UBE2E2: variants seen among roughly 807,000 people sequenced by gnomAD.
The protein encoded by UBE2E2 is ubiquitin conjugating enzyme E2 E2, also known as ubiquitin-conjugating enzyme E2 E2.
Under a neutral mutation model 24.7 loss-of-function variants are expected in UBE2E2, and 6 were observed. The ratio of observed to expected loss-of-function variants is 0.24; its 90% CI spans 0.13 to 0.48. UBE2E2 has a LOEUF of 0.48. UBE2E2 is among the 20% of genes least tolerant of loss of function. The pLI, the probability that UBE2E2 is intolerant of heterozygous loss-of-function variation, is 0.99. For missense variants in UBE2E2, 169 were observed against 245.0 expected, an observed-to-expected ratio of 0.69 and a Z score of 2.07; for synonymous variants, 104 against 83.6, an observed-to-expected ratio of 1.24 and a Z score of -1.33.
intron 3 of UBE2E2, among the ~76,000 whole-genome samples, chr3:23,370,029 G>A (rs1372018940): frequency 6.6e-6 from 1 of 152,154 alleles, no homozygotes; most frequent in Non-Finnish European, 1.5e-5. Flanking sequence ...CCATGCTGTT[G>A]TAAGGGCTGT....
At chr3:23,339,778 C>T (rs1695331490) in intron 3 of UBE2E2, among the ~76,000 whole-genome samples, 1 of 151,830 alleles carries the variant, frequency 6.6e-6, no homozygotes, top group Non-Finnish European at 1.5e-5. Flanking sequence ...ATTGTGTTAG[C>T]AAGATGTGTC....
Position 23,339,837 on chromosome 3 carries a change from T to A in UBE2E2, c.227+122525T>A, listed in dbSNP as rs922470668. Among the ~76,000 whole-genome samples, 10 of 152,130 alleles carry A rather than the reference T, an allele frequency of 6.6e-5. 1 individual carries two copies. Among genetic ancestry groups the A allele is most frequent in the Admixed American group, 4.6e-4 (7 of 15,264 alleles). On this transcript the variant is annotated intron_variant, in intron 3 of 5. Transcript: ENST00000396703. ...AGTAATTGCACTTCTAGAAATGGAT[T>A]CATTTTAACCTGATTTAAAATAATC...
rs757246058 is a variant in UBE2E2 at position 23,351,976 on chromosome 3, A to C, written c.227+134664A>C. On this transcript the variant is annotated intron_variant, in intron 3 of 5. Transcript: ENST00000396703. ...CACCTATTGCAAAATTGACCACATA[A>C]TTGGAAGTAAAGCTCTCCTCAGCAA... Among the ~76,000 whole-genome samples, 1,007 of 152,212 alleles carry C rather than the reference A, an allele frequency of 6.6e-3. 10 individuals are homozygous for C. The highest frequency in any genetic ancestry group is 0.023 in the African/African-American group (942 of 41,518).
chr3:23,241,378 A>G (rs1358644588), intron 3 of UBE2E2, among the ~76,000 whole-genome samples: 1 of 152,222 alleles, frequency 6.6e-6, no homozygotes, highest in South Asian at 2.1e-4. Flanking sequence ...GACAGCCAGA[A>G]TGATCTTTTA....
At chr3:23,509,851 G>C (rs1435050586) in intron 4 of UBE2E2, among the ~76,000 whole-genome samples, 1 of 151,268 alleles carries the variant, frequency 6.6e-6, no homozygotes, top group Non-Finnish European at 1.5e-5. Context: ...CCTTGTGATA[G>C]TTTGCTGAGA....
At chr3:23,409,057 T>C (rs943206370) in intron 3 of UBE2E2, among the ~76,000 whole-genome samples, 6 of 152,146 alleles carry the variant, frequency 3.9e-5, no homozygotes, top group East Asian at 1.9e-4. Context: ...TACTTCATAA[T>C]TAAAGAGGAT....
intron 3 of UBE2E2, among the ~76,000 whole-genome samples, chr3:23,267,706 A>G (rs1175576472): frequency 8.6e-5 from 13 of 152,046 alleles, no homozygotes; most frequent in East Asian, 3.9e-4. Flanking sequence ...CTCATTTTAT[A>G]AGGCCAGCAT....
intron 3 of UBE2E2, among the ~76,000 whole-genome samples, chr3:23,398,553 G>C (rs1356414773): frequency 6.6e-6 from 1 of 152,084 alleles, no homozygotes; most frequent in South Asian, 2.1e-4. Context: ...GAATACTTGT[G>C]GAGAACTGAG....
intron 3 of UBE2E2, among the ~76,000 whole-genome samples, chr3:23,432,637 A>G (rs906499326): frequency 6.6e-6 from 1 of 151,872 alleles, no homozygotes; most frequent in Non-Finnish European, 1.5e-5. Context: ...GATGCTTACT[A>G]TTACTCTGTC....
At chr3:23,305,283 AG>A (rs1475768556) in intron 3 of UBE2E2, among the ~76,000 whole-genome samples, 6 of 152,372 alleles carry the variant, frequency 3.9e-5, no homozygotes, top group African/African-American at 1.4e-4. Flanking sequence ...CAGCTTTAAC[AG>A]GTATACAAAT....
At chr3:23,476,368 T>C (rs185666101) in intron 3 of UBE2E2, among the ~76,000 whole-genome samples, 78 of 152,228 alleles carry the variant, frequency 5.1e-4, no homozygotes, top group Non-Finnish European at 9.3e-4. Context: ...AAATTGGCAC[T>C]AAAGCACCAT....
chr3:23,228,592 ATTT>A (rs959815728), intron 3 of UBE2E2, among the ~76,000 whole-genome samples: 1 of 152,186 alleles, frequency 6.6e-6, no homozygotes, highest in African/African-American at 2.4e-5. Flanking sequence ...AACAAATAAA[ATTT>A]TTTAGTATAT....
chr3:23,419,691 T>G (rs1363798481), intron 3 of UBE2E2, among the ~76,000 whole-genome samples: 2 of 152,214 alleles, frequency 1.3e-5, no homozygotes, highest in Non-Finnish European at 2.9e-5. Flanking sequence ...ACATACTCCT[T>G]TCCCTCAAAA....
intron 3 of UBE2E2, among the ~76,000 whole-genome samples, chr3:23,297,830 A>G (rs1477435043): frequency 6.6e-6 from 1 of 152,132 alleles, no homozygotes; most frequent in Non-Finnish European, 1.5e-5. Flanking sequence ...GAAAAAAGTC[A>G]TTGGTAGCTT....
At chr3:23,436,420 C>T (rs920038257) in intron 3 of UBE2E2, among the ~76,000 whole-genome samples, 3 of 152,088 alleles carry the variant, frequency 2.0e-5, no homozygotes, top group African/African-American at 4.8e-5. Context: ...CTTAGTCCTG[C>T]GTTCTTCAGA....
chr3:23,557,546 C>T (rs1015808597), intron 5 of UBE2E2, among the ~76,000 whole-genome samples: 2 of 152,142 alleles, frequency 1.3e-5, no homozygotes, highest in African/African-American at 2.4e-5. Context: ...CTTAAATACA[C>T]CTTTGGGGTG....
intron 3 of UBE2E2, among the ~76,000 whole-genome samples, chr3:23,392,756 C>A (rs1696969990): frequency 6.6e-6 from 1 of 152,096 alleles, no homozygotes; most frequent in African/African-American, 2.4e-5. Context: ...AGAAAAACTG[C>A]ACGTTAAGAG....
intron 5 of UBE2E2, among the ~76,000 whole-genome samples, chr3:23,559,673 A>G (rs1695876594): frequency 6.6e-6 from 1 of 152,082 alleles, no homozygotes; most frequent in Admixed American, 6.6e-5. Context: ...ACCATCATCT[A>G]CTCATCACTC....
intron 3 of UBE2E2, among the ~76,000 whole-genome samples, chr3:23,253,918 CT>C (rs1384327179): frequency 6.6e-6 from 1 of 152,078 alleles, no homozygotes; most frequent in East Asian, 1.9e-4. Flanking sequence ...TGCAGGTGAT[CT>C]TTCTTCTGAC....
Sources: allele counts gnomAD v4.1 joint callset (sites outside exome capture counted in the v4.1 genomes callset), GRCh38; gene constraint gnomAD v4.1.1; transcripts MANE v1.5; gene names NCBI Gene and HGNC (gene_info 2026-07-23, HGNC 2026-07-21).